The following PRKCB variants were observed in gnomAD, a reference collection of about 807,000 sequenced individuals.
PRKCB encodes the protein protein kinase C beta type.
In PRKCB, 13 loss-of-function variants were observed where a neutral mutation model predicts 81.5. That is an observed-to-expected ratio of 0.16 (90% confidence interval 0.10 to 0.25). The LOEUF (loss-of-function observed/expected upper bound fraction) is 0.25, where lower values mean the gene tolerates loss of function less well. Among genes scored for constraint, PRKCB ranks in the 10% least tolerant of loss-of-function variants. PRKCB has a pLI of 1.00. For missense variants in PRKCB, 509 were observed against 875.7 expected (o/e 0.58, Z 5.29); for synonymous variants, 335 against 321.4 (o/e 1.04, Z -0.45).
At chr16:24,162,639 A>T (rs1284342602) in intron 10 of PRKCB, among the ~76,000 whole-genome samples, 3 of 150,504 alleles carry the variant, frequency 2.0e-5, no homozygotes, top group Non-Finnish European at 4.4e-5. Context: ...TTTTGTAGAG[A>T]TGGGGTTGAG....
intron 7 of PRKCB, among the ~76,000 whole-genome samples, chr16:24,110,256 G>C (rs1286267517): frequency 6.6e-6 from 1 of 151,852 alleles, no homozygotes; most frequent in Non-Finnish European, 1.5e-5. Flanking sequence ...CTGTTGCCCA[G>C]GCTGGAGTGC....
chr16:23,870,987 G>T (rs1180951863), intron 2 of PRKCB, among the ~76,000 whole-genome samples: 1 of 152,212 alleles, frequency 6.6e-6, no homozygotes, highest in Non-Finnish European at 1.5e-5. Flanking sequence ...GACCCCGTGG[G>T]TCTCCTTTTC....
chr16:24,046,578 A>G (rs901879305), intron 5 of PRKCB, among the ~76,000 whole-genome samples: 8 of 152,148 alleles, frequency 5.3e-5, no homozygotes, highest in African/African-American at 1.9e-4. Context: ...TGAAAATTCC[A>G]GGGAAGAGTA....
In PRKCB at chr16:23,868,291, G is replaced by A. The variant is rs77387468; in HGVS notation, c.205+30885G>A. Among the ~76,000 whole-genome samples, 569 of 152,282 alleles carry A rather than the reference G, an allele frequency of 3.7e-3. 2 individuals are homozygous for A. The highest frequency in any genetic ancestry group is 0.013 in the African/African-American group (551 of 41,560). On this transcript the variant is annotated intron_variant, in intron 2 of 16. Coordinates refer to ENST00000643927, the MANE Select transcript of PRKCB (RefSeq NM_002738.7). The stretch of plus-strand genomic sequence containing the variant: ...TGCACTGACCCGTTTTGCAGAATGG[G>A]AAGCAAAAAATAAAACTCAGACTTA...
At chr16:23,990,103 C>T (rs1165920350) in intron 3 of PRKCB, among the ~76,000 whole-genome samples, 6 of 152,152 alleles carry the variant, frequency 3.9e-5, no homozygotes, top group Admixed American at 3.3e-4. Context: ...CATGATGATG[C>T]TGATGAGCTG....
At position 24,076,860 on chromosome 16, in the gene PRKCB, A is replaced by G. The variant is rs146277538; in HGVS notation, c.530-15931A>G. ...TGGGGGCTGTGCCGGAACTCTGTCTATCTCATCTGTGTACCCTTTTATAGA... is the reference window on the plus strand; with the variant it reads ...TGGGGGCTGTGCCGGAACTCTGTCTGTCTCATCTGTGTACCCTTTTATAGA... On this transcript the variant is annotated intron_variant, in intron 5 of 16. Transcript: ENST00000643927. 5.0e-3 allele frequency among the ~76,000 whole-genome samples: 756 copies of G among 152,240 alleles called. 5 individuals are homozygous for G. Among genetic ancestry groups the G allele is most frequent in the African/African-American group, 0.016 (671 of 41,540 alleles).
intron 8 of PRKCB, among the ~76,000 whole-genome samples, chr16:24,122,229 C>T (rs1188696909): frequency 1.4e-4 from 21 of 151,176 alleles, no homozygotes; most frequent in Admixed American, 1.4e-3. Context: ...GTGCAAAGGC[C>T]CTGGGGTAAG....
At chr16:24,096,578 C>G (rs1343421308) in intron 7 of PRKCB, among the ~76,000 whole-genome samples, 2 of 148,596 alleles carry the variant, frequency 1.3e-5, no homozygotes, top group Non-Finnish European at 3.0e-5. Context: ...CATAGATGTA[C>G]TGGGGTGTTG....
chr16:24,108,958 TG>T (rs1382360259), intron 7 of PRKCB, among the ~76,000 whole-genome samples: 7 of 129,510 alleles, frequency 5.4e-5, no homozygotes, highest in Admixed American at 4.0e-4. Context: ...ACTTCCCGGA[TG>T]GGGGGGCTGG....
intron 2 of PRKCB, among the ~76,000 whole-genome samples, chr16:23,866,292 T>A (rs182391766): frequency 1.5e-3 from 232 of 152,308 alleles, no homozygotes; most frequent in African/African-American, 5.3e-3. Flanking sequence ...TACACGTATC[T>A]TCTGCTGATT....
chr16:23,940,726 G>A (rs1964130995), intron 2 of PRKCB, among the ~76,000 whole-genome samples: 1 of 151,974 alleles, frequency 6.6e-6, no homozygotes, highest in South Asian at 2.1e-4. Context: ...AGTGAGAAAG[G>A]ACTTATAAAT....
At chr16:24,109,399 C>G (rs7202351) in intron 7 of PRKCB, among the ~76,000 whole-genome samples, 2 of 111,110 alleles carry the variant, frequency 1.8e-5, no homozygotes, top group East Asian at 4.7e-4. Context: ...ACGGGGCGGC[C>G]GGGCAGAGAT....
chr16:23,872,541 A>G (rs1026644210), intron 2 of PRKCB, among the ~76,000 whole-genome samples: 31 of 152,234 alleles, frequency 2.0e-4, no homozygotes, highest in Middle Eastern at 6.8e-3. Context: ...GAAAAAATTA[A>G]TAAATAAAAG....
At chr16:24,166,923 G>A (rs1967356031) in intron 10 of PRKCB, among the ~76,000 whole-genome samples, 1 of 152,094 alleles carries the variant, frequency 6.6e-6, no homozygotes, top group Non-Finnish European at 1.5e-5. Context: ...CTTACCTACA[G>A]TGGAGCGATC....
At chr16:23,861,322 C>T (rs1296958760) in intron 2 of PRKCB, among the ~76,000 whole-genome samples, 2 of 152,064 alleles carry the variant, frequency 1.3e-5, no homozygotes, top group African/African-American at 4.8e-5. Context: ...GCATGTCCCA[C>T]CATTCCTAGC....
chr16:23,896,072 A>G (rs1312179795), intron 2 of PRKCB, among the ~76,000 whole-genome samples: 1 of 66,892 alleles, frequency 1.5e-5, no homozygotes, highest in Non-Finnish European at 2.6e-5. Flanking sequence ...AATTCAATCC[A>G]TTCACATTTT....
At chr16:23,858,320 C>CCCAG (rs1555479054) in intron 2 of PRKCB, among the ~76,000 whole-genome samples, 1 of 3,808 alleles carries the variant, frequency 2.6e-4, no homozygotes. Flanking sequence ...ACTGTCTGTT[C>CCCAG]ACCAAGGTGA....
chr16:23,914,929 T>C (rs1422100331), intron 2 of PRKCB, among the ~76,000 whole-genome samples: 3 of 152,220 alleles, frequency 2.0e-5, no homozygotes, highest in African/African-American at 7.2e-5. Flanking sequence ...CCAAGCCAGA[T>C]GTTTGGGGTC....
chr16:24,147,643 CA>C (rs1967015943), intron 9 of PRKCB, among the ~76,000 whole-genome samples: 1 of 152,050 alleles, frequency 6.6e-6, no homozygotes, highest in South Asian at 2.1e-4. Context: ...TAAAATATTC[CA>C]GCACTGATTT....
Sources: gnomAD v4.1 joint callset for allele counts (sites outside exome capture counted in the v4.1 genomes callset) on GRCh38, gnomAD v4.1.1 for gene constraint, MANE v1.5 for transcripts, NCBI Gene and HGNC (gene_info 2026-07-23, HGNC 2026-07-21) for gene names.